The following S100Z variants were observed in gnomAD, a reference collection of about 807,000 sequenced individuals.
S100Z encodes protein S100-Z.
In S100Z, 11 loss-of-function variants were observed where a neutral mutation model predicts 8.5. The ratio of observed to expected loss-of-function variants is 1.30; its 90% CI spans 0.82 to 2.15. The LOEUF is 2.15. Ranked by LOEUF, S100Z falls within the 30% of genes most tolerant of loss-of-function variation. S100Z has a pLI of 0.00. For synonymous variants in S100Z, 34 were observed against 43.8 expected, an observed-to-expected ratio of 0.78 and a Z score of 0.89; for missense variants, 126 against 117.9, an observed-to-expected ratio of 1.07 and a Z score of -0.32.
intron 4 of S100Z, among the ~76,000 whole-genome samples, chr5:76,900,424 A>G (rs574113094): frequency 1.3e-5 from 2 of 149,524 alleles, no homozygotes; most frequent in South Asian, 4.1e-4. Flanking sequence ...ATTGTTTTTT[A>G]TTCTTTTTTC....
At chr5:76,901,845 A>G (rs1383543708) in intron 4 of S100Z, among the ~76,000 whole-genome samples, 3 of 151,864 alleles carry the variant, frequency 2.0e-5, no homozygotes, top group African/African-American at 7.3e-5. Flanking sequence ...AAGTCTCAGC[A>G]GCTCACCCAA....
intron 1 of S100Z, among the ~76,000 whole-genome samples, chr5:76,859,998 C>A (rs1382944839): frequency 6.6e-6 from 1 of 152,138 alleles, no homozygotes; most frequent in Non-Finnish European, 1.5e-5. Flanking sequence ...AAGGGCAGGG[C>A]ACTCTGGAGA....
chr5:76,929,405 A>G, the S100Z span, among the ~76,000 whole-genome samples: 23 of 152,342 alleles, frequency 1.5e-4, no homozygotes, highest in Non-Finnish European at 2.8e-4. Context: ...AGATATATGC[A>G]GGAAAATGAA....
At chr5:76,869,865 A>G (rs1209689887) in intron 1 of S100Z, among the ~76,000 whole-genome samples, 1 of 152,126 alleles carries the variant, frequency 6.6e-6, no homozygotes, top group Non-Finnish European at 1.5e-5. Context: ...CTAAAAACAC[A>G]CAAAATAATT....
chr5:76,887,172 C>G (rs190788213), intron 4 of S100Z, among the ~76,000 whole-genome samples: 1 of 151,504 alleles, frequency 6.6e-6, no homozygotes, highest in East Asian at 1.9e-4. Flanking sequence ...TCTCAGCTCA[C>G]TGCAACCTCT....
chr5:76,876,004 T>C (rs1354466144), intron 3 of S100Z, among the ~76,000 whole-genome samples: 1 of 152,190 alleles, frequency 6.6e-6, no homozygotes, highest in Non-Finnish European at 1.5e-5. Flanking sequence ...AGGATGTGTT[T>C]GGCCAGTGAC....
At chr5:76,885,808 A>G (rs1743603234) in intron 4 of S100Z, among the ~76,000 whole-genome samples, 1 of 149,696 alleles carries the variant, frequency 6.7e-6, no homozygotes, top group Non-Finnish European at 1.5e-5. Flanking sequence ...GCCCCCCAGA[A>G]AAGTGGAGAG....
intron 4 of S100Z, among the ~76,000 whole-genome samples, chr5:76,886,196 T>G (rs1323453138): frequency 6.6e-6 from 1 of 152,134 alleles, no homozygotes; most frequent in Admixed American, 6.5e-5. Flanking sequence ...CTCTGAAACG[T>G]GGGTGAATAA....
At chr5:76,951,033 T>A in the S100Z span, among the ~76,000 whole-genome samples, 1 of 152,154 alleles carries the variant, frequency 6.6e-6, no homozygotes, top group Non-Finnish European at 1.5e-5. Context: ...TAATTTTTTT[T>A]TTTTTAGAAA....
At chr5:76,859,763 A>G (rs1330051199) in intron 1 of S100Z, among the ~76,000 whole-genome samples, 4 of 112,878 alleles carry the variant, frequency 3.5e-5, no homozygotes, top group Admixed American at 9.8e-5. Flanking sequence ...CCAGGGCAAC[A>G]GAGCCAAAAA....
rs202070835 is a variant in S100Z, at chr5:76,907,923, G to GT, written c.*3-12791dup. ...GCAGGCATATCACTTGAGCCCAGGA[G>GT]TTTGAGACCAGCCTGGGCAGCATGG... On this transcript the variant is annotated intron_variant, in intron 4 of 4. Coordinates refer to ENST00000317593, the MANE Select transcript of S100Z (RefSeq NM_130772.4). Among the ~76,000 whole-genome samples, 70 of 152,284 alleles carry GT rather than the reference G, an allele frequency of 4.6e-4. 2 individuals carry two copies. In the East Asian group the frequency reaches 0.013, roughly 29 times the overall value.
At chr5:76,915,387 A>G (rs1452494490) in intron 4 of S100Z, among the ~76,000 whole-genome samples, 1 of 151,456 alleles carries the variant, frequency 6.6e-6, no homozygotes, top group East Asian at 1.9e-4. Flanking sequence ...GCAGACCACC[A>G]GGTCAGGAGA....
chr5:76,858,898 G>A (rs1307983004), intron 1 of S100Z, among the ~76,000 whole-genome samples: 2 of 152,118 alleles, frequency 1.3e-5, no homozygotes, highest in East Asian at 1.9e-4. Flanking sequence ...ATCATTTGAG[G>A]TCAGGAGTTT....
At chr5:76,941,793 T>C in the S100Z span, among the ~76,000 whole-genome samples, 1 of 151,946 alleles carries the variant, frequency 6.6e-6, no homozygotes, top group South Asian at 2.1e-4. Flanking sequence ...CGGGGAGTTA[T>C]GCTCCCCCCC....
intron 3 of S100Z, among the ~76,000 whole-genome samples, chr5:76,876,006 G>A (rs1743179727): frequency 6.6e-6 from 1 of 152,184 alleles, no homozygotes; most frequent in African/African-American, 2.4e-5. Flanking sequence ...GATGTGTTTG[G>A]CCAGTGACCA....
intron 1 of S100Z, among the ~76,000 whole-genome samples, chr5:76,863,306 G>A (rs1312512548): frequency 6.6e-6 from 1 of 152,140 alleles, no homozygotes; most frequent in Non-Finnish European, 1.5e-5. Context: ...ACACACACAA[G>A]CACTCACTCA....
intron 1 of S100Z, among the ~76,000 whole-genome samples, chr5:76,858,917 C>G (rs572165256): frequency 2.0e-5 from 3 of 152,082 alleles, no homozygotes; most frequent in East Asian, 1.9e-4. Context: ...TTGAGACCAG[C>G]TTGGCCAACA....
At chr5:76,873,506 C>T (rs1166881887) in intron 2 of S100Z, among the ~76,000 whole-genome samples, 1 of 152,054 alleles carries the variant, frequency 6.6e-6, no homozygotes, top group Non-Finnish European at 1.5e-5. Flanking sequence ...CAGGGTTTCA[C>T]CATTTTGGTC....
intron 4 of S100Z, among the ~76,000 whole-genome samples, chr5:76,918,233 A>G (rs548133187): frequency 2.0e-5 from 3 of 152,172 alleles, no homozygotes; most frequent in African/African-American, 7.2e-5. Context: ...TTGAGACAGA[A>G]TCTGGCTCTG....
Sources: gnomAD v4.1 joint callset for allele counts (sites outside exome capture counted in the v4.1 genomes callset) on GRCh38, gnomAD v4.1.1 for gene constraint, MANE v1.5 for transcripts, NCBI Gene and HGNC (gene_info 2026-07-23, HGNC 2026-07-21) for gene names.